The following SESN1 variants were observed in gnomAD, a reference collection of about 807,000 sequenced individuals.
SESN1 encodes sestrin-1.
SESN1 carries 30 observed loss-of-function variants against 59.3 expected under a neutral mutation model. That is an observed-to-expected ratio of 0.51 (90% confidence interval 0.38 to 0.69). The LOEUF is 0.69. Among genes scored for constraint, SESN1 ranks in the 30% least tolerant of loss-of-function variants. SESN1 has a pLI of 0.00. For missense variants in SESN1, 566 were observed against 673.0 expected, an observed-to-expected ratio of 0.84 and a Z score of 1.76; for synonymous variants, 197 against 219.9, an observed-to-expected ratio of 0.90 and a Z score of 0.92.
intron 1 of SESN1, among the ~76,000 whole-genome samples, chr6:109,060,389 T>C (rs1355020399): frequency 6.6e-6 from 1 of 152,212 alleles, no homozygotes; most frequent in Admixed American, 6.5e-5. Flanking sequence ...CAATTTCTAA[T>C]TGGGAGTGGC....
intron 9 of SESN1, 186 bp downstream of exon 9, chr6:108,988,357 T>G (rs1355230339): frequency 2.1e-6 from 1 of 474,150 alleles, no homozygotes; most frequent in Non-Finnish European, 3.6e-6. Flanking sequence ...TTCCCTGTCT[T>G]TATTCTTTTA....
At chr6:109,056,320 C>A (rs1420497807) in intron 1 of SESN1, among the ~76,000 whole-genome samples, 1 of 152,134 alleles carries the variant, frequency 6.6e-6, no homozygotes, top group Non-Finnish European at 1.5e-5. Context: ...AGGAGGATAA[C>A]CTGTGCCTAG....
At chr6:109,058,355 C>T (rs181772621) in intron 1 of SESN1, among the ~76,000 whole-genome samples, 1 of 152,268 alleles carries the variant, frequency 6.6e-6, no homozygotes, top group African/African-American at 2.4e-5. Context: ...AGTGTGTACT[C>T]AGTATAGTAA....
At chr6:109,069,751 TCTCA>T (rs896506241) in intron 1 of SESN1, among the ~76,000 whole-genome samples, 1 of 150,718 alleles carries the variant, frequency 6.6e-6, no homozygotes, top group African/African-American at 2.5e-5. Context: ...GGAGGGGGGG[TCTCA>T]CTATGTTTCC....
At position 109,000,229 on chromosome 6, in the gene SESN1, A is replaced by G. The variant is rs559246816; in HGVS notation, c.729+262T>C. On this transcript the variant is annotated intron_variant, in intron 4 of 9. Transcript: ENST00000436639. The stretch of plus-strand genomic sequence containing the variant: ...TATGATATTGTAATGGATGCGTGAC[A>G]TTAGGCATTTGTCAAAATGTGTAGA... 204 of 280,890 alleles carry G rather than the reference A, an allele frequency of 7.3e-4. 1 individual carries two copies. Among genetic ancestry groups the G allele is most frequent in the African/African-American group, 4.0e-3 (184 of 46,144 alleles). 17.4% of individuals were successfully genotyped at this position (280,890 alleles called of 1,614,324 possible).
chr6:109,063,865 C>T (rs1392743397), intron 1 of SESN1, among the ~76,000 whole-genome samples: 1 of 141,590 alleles, frequency 7.1e-6, no homozygotes, highest in East Asian at 2.0e-4. Flanking sequence ...GTCTGGTACC[C>T]AAAAATGTCT....
chr6:109,012,942 C>T (rs923259860), intron 1 of SESN1, among the ~76,000 whole-genome samples: 2 of 151,286 alleles, frequency 1.3e-5, no homozygotes, highest in African/African-American at 2.4e-5. Context: ...GGTGAAACCC[C>T]GTCTCTACTG....
intron 1 of SESN1, among the ~76,000 whole-genome samples, chr6:109,046,381 AG>A (rs1196256423): frequency 1.3e-5 from 2 of 151,534 alleles, no homozygotes; most frequent in Non-Finnish European, 2.9e-5. Flanking sequence ...TCGTTCACTC[AG>A]TGCTCAATGG....
At chr6:108,998,276 A>C (rs1351545062) in intron 5 of SESN1, among the ~76,000 whole-genome samples, 3 of 152,140 alleles carry the variant, frequency 2.0e-5, no homozygotes, top group African/African-American at 7.2e-5. Context: ...TCTAAATGTA[A>C]ACTCCTACAG....
intron 1 of SESN1, among the ~76,000 whole-genome samples, chr6:109,050,680 AG>A (rs1483625573): frequency 2.0e-5 from 3 of 152,216 alleles, no homozygotes; most frequent in Non-Finnish European, 2.9e-5. Flanking sequence ...CATAATCCTT[AG>A]GTCTCTCAGC....
At chr6:109,035,499 G>A (rs1020576414) in intron 1 of SESN1, among the ~76,000 whole-genome samples, 1 of 151,744 alleles carries the variant, frequency 6.6e-6, no homozygotes, top group Admixed American at 6.6e-5. Context: ...GAAATAAGGT[G>A]TTCAGGACTC....
chr6:109,074,465 T>C (rs1480860036), intron 1 of SESN1, among the ~76,000 whole-genome samples: 3 of 152,198 alleles, frequency 2.0e-5, no homozygotes, highest in Non-Finnish European at 4.4e-5. Flanking sequence ...CATCTCAACA[T>C]TGTATTCAGT....
intron 1 of SESN1, among the ~76,000 whole-genome samples, chr6:109,064,704 G>C (rs1739625143): frequency 2.2e-5 from 2 of 90,712 alleles, no homozygotes; most frequent in South Asian, 1.2e-3. Flanking sequence ...GAGAGAGGGA[G>C]AGAGATGAAG....
chr6:109,009,770 G>C (rs575505492), intron 1 of SESN1, among the ~76,000 whole-genome samples: 2 of 152,108 alleles, frequency 1.3e-5, no homozygotes, highest in Non-Finnish European at 2.9e-5. Context: ...TCTCAGGTAC[G>C]GAATGGGCTC....
At chr6:109,046,885 G>A (rs1780452200) in intron 1 of SESN1, among the ~76,000 whole-genome samples, 3 of 125,102 alleles carry the variant, frequency 2.4e-5, no homozygotes, top group South Asian at 3.1e-4. Flanking sequence ...CCCTCCGTCC[G>A]GCAGCTGCCC....
chr6:109,008,246 T>C (rs773828291), intron 1 of SESN1, among the ~76,000 whole-genome samples: 23 of 152,216 alleles, frequency 1.5e-4, no homozygotes, highest in Non-Finnish European at 3.1e-4. Flanking sequence ...AGCATGATGA[T>C]TGGGGCTCAC....
At chr6:109,090,388 T>C (rs1172692038) in intron 1 of SESN1, among the ~76,000 whole-genome samples, 1 of 152,184 alleles carries the variant, frequency 6.6e-6, no homozygotes, top group East Asian at 1.9e-4. Flanking sequence ...CTCCACACAG[T>C]TGAAAATCTG....
chr6:109,021,763 T>C (rs963873219), intron 1 of SESN1, among the ~76,000 whole-genome samples: 1 of 152,150 alleles, frequency 6.6e-6, no homozygotes, highest in Admixed American at 6.6e-5. Context: ...TCTTCAGTTG[T>C]CACAGATAAA....
intron 1 of SESN1, among the ~76,000 whole-genome samples, chr6:109,089,730 TTCC>T (rs945272557): frequency 6.6e-6 from 1 of 152,206 alleles, no homozygotes; most frequent in African/African-American, 2.4e-5. Context: ...TTTTGTTATT[TTCC>T]TCATCTTCTA....
Sources: gnomAD v4.1 joint callset for allele counts (sites outside exome capture counted in the v4.1 genomes callset) on GRCh38, gnomAD v4.1.1 for gene constraint, MANE v1.5 for transcripts, NCBI Gene and HGNC (gene_info 2026-07-23, HGNC 2026-07-21) for gene names.